The following RB1 variants were observed in gnomAD, a reference collection of about 807,000 sequenced individuals.
RB1 encodes retinoblastoma-associated protein.
A neutral mutation model predicts 135.4 loss-of-function variants in RB1; 18 were observed. The ratio of observed to expected loss-of-function variants is 0.13; its 90% CI spans 0.09 to 0.20. The LOEUF is 0.20. Among genes scored for constraint, RB1 ranks in the 10% least tolerant of loss-of-function variants. The probability of loss-of-function intolerance (pLI) is 1.00; values close to 1 mark genes in which losing one functional copy is unlikely to be tolerated. For synonymous variants in RB1, 365 were observed against 373.2 expected (o/e 0.98, Z 0.25); for missense variants, 868 against 1,110.0 (o/e 0.78, Z 3.10).
intron 17 of RB1, chr13:48,412,263 G>C: frequency 6.2e-7 from 1 of 1,614,034 alleles, no homozygotes; most frequent in Non-Finnish European, 8.5e-7. Flanking sequence ...AATCATGTAA[G>C]TTGTAGTTTC....
intron 17 of RB1, chr13:48,411,204 G>T (rs1948793349): frequency 1.8e-6 from 1 of 546,350 alleles, no homozygotes; most frequent in Non-Finnish European, 3.3e-6. Flanking sequence ...AGATGGAGTG[G>T]ATACACAAAT....
chr13:48,409,612 C>G (rs1220408288), intron 17 of RB1, among the ~76,000 whole-genome samples: 2 of 114,930 alleles, frequency 1.7e-5, no homozygotes, highest in African/African-American at 6.8e-5. Context: ...GATGGAGTCT[C>G]GCTCTGTCGC....
intron 17 of RB1, among the ~76,000 whole-genome samples, chr13:48,422,170 T>C (rs773737368): frequency 3.3e-5 from 5 of 152,164 alleles, no homozygotes; most frequent in Non-Finnish European, 7.4e-5. Flanking sequence ...ATATATACCA[T>C]CGAATACTAT....
intron 23 of RB1, among the ~76,000 whole-genome samples, chr13:48,466,491 C>A (rs904471333): frequency 1.3e-5 from 2 of 150,658 alleles, no homozygotes; most frequent in African/African-American, 2.4e-5. Flanking sequence ...AACTCTAAAA[C>A]GCAGAGCGCC....
intron 2 of RB1, chr13:48,328,659 C>T (rs1321226270): frequency 1.9e-6 from 1 of 517,534 alleles, no homozygotes; most frequent in Non-Finnish European, 3.5e-6. Context: ...CAAGGTATTT[C>T]TTTTAACTTT....
chr13:48,414,002 G>C (rs1281268339), intron 17 of RB1, among the ~76,000 whole-genome samples: 1 of 151,900 alleles, frequency 6.6e-6, no homozygotes, highest in Non-Finnish European at 1.5e-5. Flanking sequence ...TTCAGATTTT[G>C]TCTCCATCTA....
intron 17 of RB1, among the ~76,000 whole-genome samples, chr13:48,419,631 G>C (rs1948973475): frequency 6.6e-6 from 1 of 151,912 alleles, no homozygotes; most frequent in East Asian, 1.9e-4. Context: ...AAAATAGATA[G>C]ACCACTAGCC....
intron 1 of RB1, among the ~76,000 whole-genome samples, chr13:48,306,528 C>A (rs182957379): frequency 1.3e-5 from 2 of 152,190 alleles, no homozygotes. Flanking sequence ...TTACCTCTTA[C>A]CGGCTGAGAC....
At chr13:48,366,601 A>G (rs775528449) in intron 9 of RB1, among the ~76,000 whole-genome samples, 4 of 152,190 alleles carry the variant, frequency 2.6e-5, no homozygotes, top group Non-Finnish European at 5.9e-5. Context: ...ATCAGAACTG[A>G]TGAAAGATTT....
intron 2 of RB1, among the ~76,000 whole-genome samples, chr13:48,321,534 C>G (rs2515668): frequency 0.93 from 141,410 of 151,958 alleles, 66,265 homozygotes; most frequent in East Asian, 1. Context: ...TTTCATGTTT[C>G]TTGGCCATTT....
chr13:48,442,302 G>A (rs1378260819), intron 17 of RB1, among the ~76,000 whole-genome samples: 1 of 151,918 alleles, frequency 6.6e-6, no homozygotes, highest in Non-Finnish European at 1.5e-5. Context: ...CTGGGTTCAC[G>A]CCATTCTCCT....
chr13:48,338,398 A>C (rs1038899028), intron 2 of RB1, among the ~76,000 whole-genome samples: 1 of 152,038 alleles, frequency 6.6e-6, no homozygotes, highest in Admixed American at 6.5e-5. Flanking sequence ...TTTTTTCTCT[A>C]AACTTCTCTT....
intron 2 of RB1, among the ~76,000 whole-genome samples, chr13:48,337,304 G>A (rs1333083056): frequency 3.3e-5 from 5 of 152,164 alleles, no homozygotes; most frequent in Admixed American, 2.0e-4. Flanking sequence ...TTATTATTGT[G>A]TGAGAGTCTA....
chr13:48,334,592 A>G (rs1010477970), intron 2 of RB1, among the ~76,000 whole-genome samples: 4 of 152,178 alleles, frequency 2.6e-5, no homozygotes, highest in African/African-American at 7.2e-5. Flanking sequence ...TTCATCTTTC[A>G]TATTTCACAA....
At chr13:48,317,149 T>C in intron 2 of RB1, 1 of 832,482 alleles carries the variant, frequency 1.2e-6, no homozygotes, top group Non-Finnish European at 1.7e-6. Flanking sequence ...TGGGCCTCCC[T>C]GAAGGCAGAG....
At chr13:48,398,060 C>T (rs1278907361) in intron 17 of RB1, among the ~76,000 whole-genome samples, 3 of 152,154 alleles carry the variant, frequency 2.0e-5, no homozygotes, top group African/African-American at 7.2e-5. Flanking sequence ...TTTTTAAAAG[C>T]ATGGGCCAGG....
At position 48,465,334 on chromosome 13, in the gene RB1, C is replaced by T. The variant is rs375751988; in HGVS notation, c.2455C>T (p.Leu819=). Residue 819 remains leucine (L), a synonymous_variant, in exon 23 of 27, where the codon CTG becomes TTG. Transcript: ENST00000267163. ...GAGTCCATATAAAATTTCAGAAGGT[C>T]TGCCAACACCAACAAAAATGACTCC... ...LKSPYKISEG[L]PTPTKMTPRS... is the part of the protein sequence containing the mutation. The T allele has an allele frequency of 1.9e-4, 310 of 1,609,376 alleles. No homozygotes were observed. The highest frequency in any genetic ancestry group is 2.3e-4 in the Non-Finnish European group (271 of 1,175,876).
chr13:48,342,786 C>G lies in RB1; in HGVS notation c.380+72C>G, dbSNP rs529855036. 2.3e-5 allele frequency: 25 copies of G among 1,075,822 alleles called. No homozygotes were observed. The South Asian group carries it at 3.3e-4, about 14-fold the overall frequency. 66.6% of individuals were successfully genotyped at this position (1,075,822 alleles called of 1,614,324 possible). ...AATTCTGGATTTTCCTCTCAATAGA[C>G]TTTTGTGAATTAGTGAGAAATGCTA... On this transcript the variant is annotated intron_variant, in intron 3 of 26. Coordinates refer to ENST00000267163, the MANE Select transcript of RB1 (RefSeq NM_000321.3).
chr13:48,367,332 T>G (rs1335307491), intron 9 of RB1, among the ~76,000 whole-genome samples, 162 bp from the exon 10 acceptor site: 1 of 152,170 alleles, frequency 6.6e-6, no homozygotes, highest in Non-Finnish European at 1.5e-5. Flanking sequence ...TTTCTGTACC[T>G]CACTTTTAGA....
Sources: gnomAD v4.1 joint callset for allele counts (sites outside exome capture counted in the v4.1 genomes callset) on GRCh38, gnomAD v4.1.1 for gene constraint, MANE v1.5 for transcripts, NCBI Gene and HGNC (gene_info 2026-07-23, HGNC 2026-07-21) for gene names.